The following EYA4 variants were observed in gnomAD, a reference collection of about 807,000 sequenced individuals.
The protein encoded by EYA4 is EYA transcriptional coactivator and phosphatase 4.
A neutral mutation model predicts 87.9 loss-of-function variants in EYA4; 31 were observed. The observed-to-expected ratio is 0.35, with a 90% CI of 0.27 to 0.48. The LOEUF (loss-of-function observed/expected upper bound fraction) is 0.48, where lower values mean the gene tolerates loss of function less well. Ranked by LOEUF, EYA4 falls within the 20% of genes least tolerant of loss-of-function variation. The pLI, the probability that EYA4 is intolerant of heterozygous loss-of-function variation, is 0.99. For synonymous variants in EYA4, 263 were observed against 270.6 expected (o/e 0.97, Z 0.28); for missense variants, 678 against 761.4 (o/e 0.89, Z 1.29).
At chr6:133,257,363 C>T (rs1199997662) in intron 1 of EYA4, among the ~76,000 whole-genome samples, 1 of 152,108 alleles carries the variant, frequency 6.6e-6, no homozygotes, top group Non-Finnish European at 1.5e-5. Flanking sequence ...TAGGTGAGGC[C>T]TGTGATGATA....
At chr6:133,341,683 A>G (rs1562308804) in intron 2 of EYA4, among the ~76,000 whole-genome samples, 1 of 152,164 alleles carries the variant, frequency 6.6e-6, no homozygotes, top group African/African-American at 2.4e-5. Context: ...TTGACTCACA[A>G]ATGAATAGCT....
At position 133,531,490 on chromosome 6, in the gene EYA4, T is replaced by A. The variant is rs41286210; in HGVS notation, c.*2685T>A. 0.019 allele frequency: 8,606 copies of A among 462,822 alleles called. 100 individuals carry two copies. The highest frequency in any genetic ancestry group is 0.033 in the Middle Eastern group (58 of 1,766). 28.7% of individuals were successfully genotyped at this position (462,822 alleles called of 1,614,324 possible). A position where few individuals can be genotyped will look rare whatever the true frequency, so the allele number is the denominator to read the frequency against. The stretch of plus-strand genomic sequence containing the variant: ...TTATTGTAAACCAGTTTGAAAAATG[T>A]TCTGTAACTAAAGTGGGTTTTCGGC... On this transcript the variant is annotated 3_prime_UTR_variant, in exon 20 of 20. Transcript: ENST00000355286.
intron 13 of EYA4, among the ~76,000 whole-genome samples, chr6:133,497,192 T>G (rs985638781): frequency 6.6e-5 from 10 of 152,140 alleles, no homozygotes; most frequent in African/African-American, 2.4e-4. Flanking sequence ...TCCGTATCTC[T>G]TTGGCAGGTT....
chr6:133,429,854 T>G (rs1318999922), intron 3 of EYA4, among the ~76,000 whole-genome samples: 1 of 152,150 alleles, frequency 6.6e-6, no homozygotes, highest in Non-Finnish European at 1.5e-5. Flanking sequence ...TTTCTTCAGT[T>G]TTCTTTTATT....
chr6:133,398,454 A>G (rs1787986183), intron 3 of EYA4, among the ~76,000 whole-genome samples: 3 of 152,212 alleles, frequency 2.0e-5, no homozygotes, highest in South Asian at 2.1e-4. Context: ...CTGAATGACT[A>G]TAAGGACAGG....
chr6:133,449,358 T>G (rs1486949837), intron 5 of EYA4, among the ~76,000 whole-genome samples: 1 of 152,226 alleles, frequency 6.6e-6, no homozygotes, highest in East Asian at 1.9e-4. Context: ...TTTTAAACAT[T>G]TAATATGTAA....
At position 133,529,921 on chromosome 6, in the gene EYA4, A is replaced by G; in HGVS notation, c.*1116A>G. 1 of 985,354 alleles carries G rather than the reference A, an allele frequency of 1.0e-6. No individual in the cohort carries two copies. The highest frequency in any genetic ancestry group is 1.2e-6 in the Non-Finnish European group (1 of 829,838). 61.0% of individuals were successfully genotyped at this position (985,354 alleles called of 1,614,324 possible). Reference sequence around the variant, plus strand: ...AGAGGAGGATATTATCATGCAAATCATGAGCAATTATCACATAAACTTTTT... The same window carrying G: ...AGAGGAGGATATTATCATGCAAATCGTGAGCAATTATCACATAAACTTTTT... On this transcript the variant is annotated 3_prime_UTR_variant, in exon 20 of 20. Coordinates refer to ENST00000355286, the MANE Select transcript of EYA4 (RefSeq NM_004100.5).
At chr6:133,515,622 A>AGTGTGT (rs72318662) in intron 17 of EYA4, among the ~76,000 whole-genome samples, 187 bp downstream of exon 17, 127 of 146,744 alleles carry the variant, frequency 8.7e-4, no homozygotes, top group Middle Eastern at 3.5e-3. Flanking sequence ...TGTGTGTGTG[A>AGTGTGT]GTGTGTGTGT....
intron 1 of EYA4, among the ~76,000 whole-genome samples, chr6:133,242,575 C>T (rs534250937): frequency 1.3e-5 from 2 of 152,170 alleles, no homozygotes; most frequent in Admixed American, 6.5e-5. Flanking sequence ...GGATTTTTAG[C>T]GTGGTGAAGC....
chr6:133,274,266 T>A (rs920231922), intron 1 of EYA4, among the ~76,000 whole-genome samples: 3 of 152,218 alleles, frequency 2.0e-5, no homozygotes, highest in African/African-American at 7.2e-5. Context: ...TTCAGAAGAA[T>A]AATCATCTGA....
In EYA4 at chr6:133,530,412, C is replaced by T. The variant is rs1029135388; in HGVS notation, c.*1607C>T. The T allele has an allele frequency of 1.0e-6, 1 of 985,188 alleles. No individual in the cohort carries two copies. Among genetic ancestry groups the T allele is most frequent in the Non-Finnish European group, 1.2e-6 (1 of 829,806 alleles). 61.0% of individuals were successfully genotyped at this position (985,188 alleles called of 1,614,324 possible). ...TCTTATTTCCTATGACACGATTTCCCTTGTGGAAATTTAAGACTTTAAGAA... is the reference window on the plus strand; with the variant it reads ...TCTTATTTCCTATGACACGATTTCCTTTGTGGAAATTTAAGACTTTAAGAA... On this transcript the variant is annotated 3_prime_UTR_variant, in exon 20 of 20. Coordinates refer to ENST00000355286, the MANE Select transcript of EYA4 (RefSeq NM_004100.5).
intron 3 of EYA4, among the ~76,000 whole-genome samples, chr6:133,407,737 G>GAA (rs3836962): frequency 0.095 from 14,341 of 150,606 alleles, 790 homozygotes; most frequent in East Asian, 0.21. Flanking sequence ...TAATTTTCAG[G>GAA]AAAAAAAAAT....
chr6:133,373,399 G>C (rs992295373), intron 2 of EYA4, among the ~76,000 whole-genome samples: 8 of 151,944 alleles, frequency 5.3e-5, no homozygotes, highest in Non-Finnish European at 1.0e-4. Flanking sequence ...CTATTTAGGG[G>C]ACTAGGTTAA....
At position 133,287,606 on chromosome 6, in the gene EYA4, C is replaced by T. The variant is rs572495004; in HGVS notation, c.33+12793C>T. 4.5e-4 allele frequency among the ~76,000 whole-genome samples: 68 copies of T among 152,006 alleles called. No homozygotes were observed. The South Asian group carries it at 0.014, about 31-fold the overall frequency. On this transcript the variant is annotated intron_variant, in intron 2 of 19. Transcript: ENST00000355286. ...GTGTTCTTGGGTGGCCACCATGATG[C>T]TCATTACTGCACAAAAGACAGAGAT...
intron 17 of EYA4, among the ~76,000 whole-genome samples, chr6:133,522,560 C>T (rs190923426): frequency 6.6e-6 from 1 of 152,124 alleles, no homozygotes; most frequent in Admixed American, 6.6e-5. Flanking sequence ...AAGCAGTTTT[C>T]TCCAGATGGT....
chr6:133,499,802 T>G (rs1797951228), intron 13 of EYA4, among the ~76,000 whole-genome samples: 1 of 151,772 alleles, frequency 6.6e-6, no homozygotes, highest in Admixed American at 6.6e-5. Context: ...TCTAGAGAAG[T>G]CTAGTTCCCG....
At chr6:133,430,172 G>A (rs540255833) in intron 3 of EYA4, among the ~76,000 whole-genome samples, 101 of 152,222 alleles carry the variant, frequency 6.6e-4, no homozygotes, top group African/African-American at 2.4e-3. Context: ...CCTCCAGCTG[G>A]TACATACATA....
intron 2 of EYA4, among the ~76,000 whole-genome samples, chr6:133,296,771 A>AT (rs1399517301): frequency 1.3e-5 from 2 of 151,908 alleles, no homozygotes; most frequent in Admixed American, 6.5e-5. Context: ...TTCATCATCT[A>AT]TTTTTTTATT....
Position 133,461,810 on chromosome 6 carries a change from CTT to C in EYA4, c.438-508_438-507del, listed in dbSNP as rs11450141. On this transcript the variant is annotated intron_variant, in intron 7 of 19. Coordinates refer to ENST00000355286, the MANE Select transcript of EYA4 (RefSeq NM_004100.5). ...TGGCATGATGAAAGGAATGATGTTCCTTTTTTTTTTTTTTTTTTAAGGAAGCT... is the reference window on the plus strand; with the variant it reads ...TGGCATGATGAAAGGAATGATGTTCCTTTTTTTTTTTTTTTTAAGGAAGCT... Among the ~76,000 whole-genome samples the C allele has an allele frequency of 8.8e-3, 1,144 of 129,886 alleles. 18 individuals carry two copies. Among genetic ancestry groups the C allele is most frequent in the African/African-American group, 0.03 (1,036 of 34,574 alleles). 85.2% of individuals were successfully genotyped at this position (129,886 alleles called of 152,430 possible).
Sources: allele counts gnomAD v4.1 joint callset (sites outside exome capture counted in the v4.1 genomes callset), GRCh38; gene constraint gnomAD v4.1.1; transcripts MANE v1.5; gene names NCBI Gene and HGNC (gene_info 2026-07-23, HGNC 2026-07-21).